ZBBX: variants seen among roughly 807,000 people sequenced by gnomAD.
ZBBX encodes the protein zinc finger B-box domain containing, also known as zinc finger B-box domain-containing protein 1.
Under a neutral mutation model 108.5 loss-of-function variants are expected in ZBBX, and 101 were observed. That is an observed-to-expected ratio of 0.93 (90% CI 0.79 to 1.10). The LOEUF (loss-of-function observed/expected upper bound fraction) is 1.10, where lower values mean the gene tolerates loss of function less well. ZBBX is among the 50% of genes least tolerant of loss of function. ZBBX has a pLI of 0.00. For synonymous variants in ZBBX, 356 were observed against 323.4 expected (o/e 1.10, Z -1.08); for missense variants, 1,009 against 941.4 (o/e 1.07, Z -0.94).
chr3:167,364,176 A>G lies in ZBBX; in HGVS notation c.273+1710T>C, dbSNP rs191175907. Among the ~76,000 whole-genome samples, 659 of 151,250 alleles carry G rather than the reference A, an allele frequency of 4.4e-3. 4 individuals are homozygous for G. The highest frequency in any genetic ancestry group is 0.014 in the African/African-American group (563 of 41,238). On this transcript the variant is annotated intron_variant, in intron 6 of 21. Coordinates refer to ENST00000675490, the MANE Select transcript of ZBBX (RefSeq NM_001199201.2). ...AGCACCCCTGGCCCTTACTCACTAT[A>G]TATCTTTAGCAAAAAAAAAAAATAC...
chr3:167,311,320 AC>A (rs1407568762), intron 16 of ZBBX, among the ~76,000 whole-genome samples: 1 of 152,154 alleles, frequency 6.6e-6, no homozygotes, highest in African/African-American at 2.4e-5. Context: ...TAGATTACAC[AC>A]CTGAATATAA....
chr3:167,180,209 T>C, the ZBBX span, among the ~76,000 whole-genome samples: 1 of 152,200 alleles, frequency 6.6e-6, no homozygotes, highest in Non-Finnish European at 1.5e-5. Flanking sequence ...TGTTTCTCAA[T>C]TAGCTGTAAC....
rs147265616 is a variant in ZBBX at position 167,294,989 on chromosome 3, G to A, written c.1879+3316C>T. ...GAGAAATGCATATCAAAACCACAAT[G>A]AGATACCATCTTACGCCAGTTAGAA... On this transcript the variant is annotated intron_variant, in intron 18 of 21. Transcript: ENST00000675490. Among the ~76,000 whole-genome samples, 885 of 152,244 alleles carry A rather than the reference G, an allele frequency of 5.8e-3. 6 individuals are homozygous for A. Among genetic ancestry groups the A allele is most frequent in the African/African-American group, 0.019 (790 of 41,538 alleles).
intron 8 of ZBBX, among the ~76,000 whole-genome samples, chr3:167,358,811 CT>C (rs1744028437): frequency 6.6e-6 from 1 of 151,722 alleles, no homozygotes; most frequent in Non-Finnish European, 1.5e-5. Flanking sequence ...TGACGCGTGC[CT>C]ATAATCCCAG....
intron 11 of ZBBX, among the ~76,000 whole-genome samples, chr3:167,323,044 T>A (rs905479565): frequency 2.6e-5 from 4 of 152,038 alleles, no homozygotes; most frequent in Admixed American, 2.6e-4. Context: ...GGAATCCCAC[T>A]TCTATTTTTC....
At chr3:167,404,783 C>CT (rs1049025894) in intron 1 of ZBBX, among the ~76,000 whole-genome samples, 2 of 152,100 alleles carry the variant, frequency 1.3e-5, no homozygotes, top group African/African-American at 4.8e-5. Flanking sequence ...ACCAGATTTG[C>CT]TTTTTTTCCC....
At chr3:167,316,883 T>C (rs1219675374) in intron 14 of ZBBX, 122 bp downstream of exon 14, 2 of 527,138 alleles carry the variant, frequency 3.8e-6, no homozygotes, top group Non-Finnish European at 6.5e-6. Context: ...CACTTGTAAA[T>C]TTCCTATTAA....
rs73879668 is a variant in ZBBX, at chr3:167,329,189, G to C, written c.688-1073C>G. 2.5e-3 allele frequency among the ~76,000 whole-genome samples: 379 copies of C among 152,316 alleles called. 4 individuals carry two copies. The highest frequency in any genetic ancestry group is 8.5e-3 in the African/African-American group (352 of 41,562). ...AAGAAAATGAAGGAAGTATTTGGAA[G>C]CTATGCAGTGAATCAGAGAGAACAG... On this transcript the variant is annotated intron_variant, in intron 10 of 21. Transcript: ENST00000675490.
chr3:167,197,156 C>T, the ZBBX span, among the ~76,000 whole-genome samples: 1 of 152,132 alleles, frequency 6.6e-6, no homozygotes, highest in Non-Finnish European at 1.5e-5. Flanking sequence ...TTGGGAGGCA[C>T]CAGTTGCAAA....
chr3:167,280,107 T>A (rs572788068), intron 20 of ZBBX, among the ~76,000 whole-genome samples: 75 of 152,196 alleles, frequency 4.9e-4, no homozygotes, highest in African/African-American at 1.7e-3. Context: ...TCAAGATGGA[T>A]TAAAGACTTA....
chr3:167,382,559 G>A (rs1747787928), upstream of ZBBX, among the ~76,000 whole-genome samples: 1 of 152,100 alleles, frequency 6.6e-6, no homozygotes, highest in Non-Finnish European at 1.5e-5. Flanking sequence ...TACCGGCAAT[G>A]CAGAAATTAA....
chr3:167,364,644 A>G (rs1203944631), intron 6 of ZBBX, among the ~76,000 whole-genome samples: 3 of 152,020 alleles, frequency 2.0e-5, no homozygotes, highest in African/African-American at 7.2e-5. Flanking sequence ...TTAATGAGAT[A>G]AGAAAGGAAA....
intron 20 of ZBBX, among the ~76,000 whole-genome samples, chr3:167,274,900 T>C (rs1184421433): frequency 6.6e-6 from 1 of 152,222 alleles, no homozygotes; most frequent in Non-Finnish European, 1.5e-5. Context: ...TTGTTCAGTG[T>C]GCACTTGTGA....
rs147812029 is a variant in ZBBX, at chr3:167,356,781, G to A, written c.432+3089C>T. Among the ~76,000 whole-genome samples the A allele has an allele frequency of 2.3e-3, 356 of 152,218 alleles. 2 individuals carry two copies. The highest frequency in any genetic ancestry group is 7.2e-3 in the African/African-American group (298 of 41,548). On this transcript the variant is annotated intron_variant, in intron 8 of 21. Transcript: ENST00000675490. The stretch of plus-strand genomic sequence containing the variant: ...CTACCCTCATGAAGTTTACATTGCA[G>A]ATAAGTAGAAAATAAATAAACATAT...
rs1408081679 is a variant in ZBBX, at chr3:167,296,955, C to T, written c.1879+1350G>A. ...AACAAGAGCAAAGCTGGAAGACTCACACTTTCTGATTTCAAAACTTATTAC... is the reference window on the plus strand; with the variant it reads ...AACAAGAGCAAAGCTGGAAGACTCATACTTTCTGATTTCAAAACTTATTAC... On this transcript the variant is annotated intron_variant, in intron 18 of 21. Coordinates refer to ENST00000675490, the MANE Select transcript of ZBBX (RefSeq NM_001199201.2). Among the ~76,000 whole-genome samples, 6 of 151,986 alleles carry T rather than the reference C, an allele frequency of 3.9e-5. No homozygotes were observed. The East Asian group carries it at 1.2e-3, about 29-fold the overall frequency.
At chr3:167,372,804 C>A (rs768320854) in intron 4 of ZBBX, 30 bp downstream of exon 4, 2 of 1,153,646 alleles carry the variant, frequency 1.7e-6, no homozygotes, top group African/African-American at 3.1e-5. Flanking sequence ...GCAACTATTC[C>A]TATTAAGAAA....
chr3:167,281,167 T>A (rs1242026135), intron 20 of ZBBX, among the ~76,000 whole-genome samples: 1 of 152,112 alleles, frequency 6.6e-6, no homozygotes, highest in African/African-American at 2.4e-5. Context: ...GATGAGTTAG[T>A]GGGTGCAGCG....
intron 1 of ZBBX, among the ~76,000 whole-genome samples, chr3:167,402,634 G>C (rs1471520552): frequency 6.6e-6 from 1 of 152,024 alleles, no homozygotes. Flanking sequence ...AGATGATCCA[G>C]ATACTGGAAT....
the ZBBX span, among the ~76,000 whole-genome samples, chr3:167,231,434 C>T: frequency 9.7e-3 from 1,476 of 151,752 alleles, 16 homozygotes; most frequent in South Asian, 0.038. Flanking sequence ...TTAAATAATG[C>T]TGAGACCCTG....
Sources: gnomAD v4.1 joint callset for allele counts (sites outside exome capture counted in the v4.1 genomes callset) on GRCh38, gnomAD v4.1.1 for gene constraint, MANE v1.5 for transcripts, NCBI Gene and HGNC (gene_info 2026-07-23, HGNC 2026-07-21) for gene names.